The following ATP2A2 variants were observed in gnomAD, a reference collection of about 807,000 sequenced individuals.
ATP2A2 encodes sarcoplasmic/endoplasmic reticulum calcium ATPase 2.
A neutral mutation model predicts 109.3 loss-of-function variants in ATP2A2; 14 were observed. The observed-to-expected ratio is 0.13, with a 90% CI of 0.08 to 0.20. The LOEUF (loss-of-function observed/expected upper bound fraction) is 0.20. ATP2A2 is among the 10% of genes least tolerant of loss of function. The pLI is 1.00. For synonymous variants in ATP2A2, 506 were observed against 490.9 expected, an observed-to-expected ratio of 1.03 and a Z score of -0.41; for missense variants, 657 against 1,321.6, an observed-to-expected ratio of 0.50 and a Z score of 7.80.
chr12:110,332,356 T>C (rs1878417416), intron 8 of ATP2A2: 2 of 516,308 alleles, frequency 3.9e-6, no homozygotes, highest in South Asian at 2.1e-5. Flanking sequence ...TCAGTGATGC[T>C]GTTTTTCATA....
At chr12:110,319,844 T>C (rs534174724) in intron 5 of ATP2A2, among the ~76,000 whole-genome samples, 12 of 152,116 alleles carry the variant, frequency 7.9e-5, no homozygotes, top group African/African-American at 2.7e-4. Context: ...TAGATAACGA[T>C]TGGATATCCC....
intron 3 of ATP2A2, among the ~76,000 whole-genome samples, chr12:110,287,855 A>G (rs1013420070): frequency 1.3e-5 from 2 of 152,098 alleles, no homozygotes; most frequent in Non-Finnish European, 2.9e-5. Flanking sequence ...GCCTTAGGTG[A>G]TCCGCCTGCC....
chr12:110,288,732 C>T (rs1872941268), intron 3 of ATP2A2, among the ~76,000 whole-genome samples: 1 of 152,170 alleles, frequency 6.6e-6, no homozygotes. Context: ...TATATTCAAC[C>T]TGTTGTCAAA....
At chr12:110,323,171 A>G (rs970221034) in intron 6 of ATP2A2, 99 bp downstream of exon 6, 1 of 905,742 alleles carries the variant, frequency 1.1e-6, no homozygotes, top group South Asian at 1.3e-5. Context: ...ATGGTATCCC[A>G]TCTTAATCCT....
intron 4 of ATP2A2, among the ~76,000 whole-genome samples, chr12:110,293,852 G>GT (rs1243133325): frequency 8.1e-6 from 1 of 122,868 alleles, no homozygotes; most frequent in South Asian, 2.6e-4. Context: ...GTGTGTGTGT[G>GT]TGTGTGTGTG....
intron 5 of ATP2A2, among the ~76,000 whole-genome samples, chr12:110,307,780 C>T (rs1293838980): frequency 6.8e-6 from 1 of 146,356 alleles, no homozygotes; most frequent in African/African-American, 2.5e-5. Flanking sequence ...CAATTATTTT[C>T]TCCAATTCTG....
chr12:110,341,136 A>G, intron 14 of ATP2A2, 142 bp downstream of exon 14: 1 of 942,270 alleles, frequency 1.1e-6, no homozygotes, highest in Non-Finnish European at 1.6e-6. Flanking sequence ...AATTCGGTGA[A>G]TCAGTGGTTA....
At chr12:110,299,958 G>T (rs915031772) in intron 5 of ATP2A2, among the ~76,000 whole-genome samples, 1 of 151,818 alleles carries the variant, frequency 6.6e-6, no homozygotes. Flanking sequence ...GTTTCTCCAT[G>T]TTGGTCAGGC....
At position 110,343,284 on chromosome 12, in the gene ATP2A2, C is replaced by T. The variant is rs1161393197; in HGVS notation, c.2371C>T (p.Leu791=). The T allele has an allele frequency of 3.1e-6, 5 of 1,614,192 alleles. No homozygotes were observed. The East Asian group carries it at 1.1e-4, about 36-fold the overall frequency. The stretch of plus-strand genomic sequence containing the variant: ...TCCCGAGGCTTTGATTCCTGTTCAG[C>T]TGCTCTGGGTCAATCTGGTGACAGA... The part of the protein sequence containing the change: ...GFPEALIPVQ[L]LWVNLVTDGL... Residue 791 remains leucine, a synonymous_variant, in exon 16 of 20, where the codon CTG becomes TTG. Transcript: ENST00000539276.
chr12:110,312,380 A>G (rs561291317), intron 5 of ATP2A2, among the ~76,000 whole-genome samples: 25 of 152,274 alleles, frequency 1.6e-4, no homozygotes, highest in East Asian at 9.6e-4. Context: ...TTGAGTAGCA[A>G]GGCTCTAGAG....
At chr12:110,308,114 G>A (rs916875878) in intron 5 of ATP2A2, among the ~76,000 whole-genome samples, 1 of 152,136 alleles carries the variant, frequency 6.6e-6, no homozygotes, top group African/African-American at 2.4e-5. Context: ...GAACTCATTA[G>A]TTAGTTTTAA....
At chr12:110,325,200 A>G (rs1008836776) in intron 6 of ATP2A2, among the ~76,000 whole-genome samples, 8 of 152,212 alleles carry the variant, frequency 5.3e-5, no homozygotes, top group African/African-American at 1.9e-4. Flanking sequence ...AGAAATCATA[A>G]TGTAGTTTTT....
At chr12:110,294,002 G>A (rs946572317) in intron 4 of ATP2A2, among the ~76,000 whole-genome samples, 4 of 149,884 alleles carry the variant, frequency 2.7e-5, no homozygotes, top group Non-Finnish European at 4.4e-5. Context: ...TCAGCTTCCC[G>A]AGTAGCTGGG....
rs747224258 is a variant in ATP2A2 at position 110,326,349 on chromosome 12, G to A, written c.545-41G>A. 2.6e-6 allele frequency: 4 copies of A among 1,551,706 alleles called. No individual in the cohort carries two copies. In the South Asian group the frequency reaches 3.4e-5, roughly 13 times the overall value. On this transcript the variant is annotated intron_variant, in intron 6 of 19. Coordinates refer to ENST00000539276, the MANE Select transcript of ATP2A2 (RefSeq NM_170665.4). ...TGAGAGGTTCTAGGTTCTTGGTGTG[G>A]GTCGCAGAGATCTGTTTTTTCTGTC... is the stretch of plus-strand genomic sequence containing the variant.
rs1879171271 is a variant in ATP2A2, at chr12:110,339,736, A to T, written c.1761+15A>T. The T allele has an allele frequency of 1.2e-6, 2 of 1,612,262 alleles. No individual in the cohort carries two copies. The highest frequency in any genetic ancestry group is 1.7e-6 in the Non-Finnish European group (2 of 1,178,846). On this transcript the variant is annotated intron_variant, in intron 13 of 19. Transcript: ENST00000539276. This position sits in a 1 kb window ranked among gnomAD's most constrained non-coding sequence, Gnocchi z 4.4. The stretch of plus-strand genomic sequence containing the variant: ...TTAAATATGAGGTTAGCTAATGAAA[A>T]GTTTCTTTGTCCACACCCTGCACGA...
At chr12:110,284,286 T>C (rs1166076120) in intron 3 of ATP2A2, among the ~76,000 whole-genome samples, 1 of 152,178 alleles carries the variant, frequency 6.6e-6, no homozygotes, top group South Asian at 2.1e-4. Context: ...AATGATACAT[T>C]TGGAGCTAGT....
At chr12:110,299,523 A>G (rs1405221713) in intron 5 of ATP2A2, among the ~76,000 whole-genome samples, 1 of 152,184 alleles carries the variant, frequency 6.6e-6, no homozygotes, top group Non-Finnish European at 1.5e-5. Context: ...GGCAGGTCTC[A>G]ACCTAGAATA....
chr12:110,304,166 T>G (rs916060162), intron 5 of ATP2A2, among the ~76,000 whole-genome samples: 8 of 152,244 alleles, frequency 5.3e-5, no homozygotes, highest in Non-Finnish European at 8.8e-5. Flanking sequence ...TGCTGAATAA[T>G]GTTTATTAGT....
chr12:110,333,868 CA>C, intron 10 of ATP2A2, 143 bp from the exon 11 acceptor site: 1 of 986,640 alleles, frequency 1.0e-6, no homozygotes, highest in Non-Finnish European at 1.5e-6. Context: ...TTATCTGGGT[CA>C]CCTGTTTCAG....
Sources: gnomAD v4.1 joint callset for allele counts (sites outside exome capture counted in the v4.1 genomes callset) on GRCh38, gnomAD v4.1.1 for gene constraint, Gnocchi (gnomAD v3.1) non-coding constraint, MANE v1.5 for transcripts, NCBI Gene and HGNC (gene_info 2026-07-23, HGNC 2026-07-21) for gene names.